The following KCNJ5 variants were observed in gnomAD, a reference collection of about 807,000 sequenced individuals.
KCNJ5 encodes potassium inwardly rectifying channel subfamily J member 5.
A neutral mutation model predicts 20.2 loss-of-function variants in KCNJ5; 12 were observed. That is an observed-to-expected ratio of 0.59 (90% CI 0.38 to 0.96). The LOEUF is 0.96. KCNJ5 is among the 40% of genes least tolerant of loss of function. KCNJ5 has a pLI of 0.00. For missense variants in KCNJ5, 449 were observed against 557.6 expected (o/e 0.81, Z 1.96); for synonymous variants, 210 against 213.9 (o/e 0.98, Z 0.16).
Position 128,898,210 on chromosome 11 carries a change from G to T in KCNJ5, c.-11+6489G>T, listed in dbSNP as rs59210262. Among the ~76,000 whole-genome samples the T allele has an allele frequency of 1.0e-3, 159 of 152,302 alleles. 1 individual carries two copies. In the East Asian group the frequency reaches 0.029, roughly 28 times the overall value. Reference sequence around the variant, plus strand: ...TAAAAAATCTTGTGAGATTTTGATAGAAATTGCATTGAATCTGTATATGAA... The same window carrying T: ...TAAAAAATCTTGTGAGATTTTGATATAAATTGCATTGAATCTGTATATGAA... On this transcript the variant is annotated intron_variant, in intron 1 of 2. Coordinates refer to ENST00000529694, the MANE Select transcript of KCNJ5 (RefSeq NM_000890.5).
rs149203742 is a variant in KCNJ5, at chr11:128,908,091, T to C, written c.-10-3173T>C. On this transcript the variant is annotated intron_variant, in intron 1 of 2. Coordinates refer to ENST00000529694, the MANE Select transcript of KCNJ5 (RefSeq NM_000890.5). The stretch of plus-strand genomic sequence containing the variant: ...AATCTAAACAGTAGAGGCTGCATGC[T>C]GGTCAGCTCAATGCTTGCCCTGCAA... 6.4e-3 allele frequency among the ~76,000 whole-genome samples: 970 copies of C among 152,374 alleles called. 5 individuals are homozygous for C. Among genetic ancestry groups the C allele is most frequent in the African/African-American group, 0.022 (923 of 41,592 alleles).
chr11:128,903,492 C>T (rs1211028241), intron 1 of KCNJ5: 2 of 1,614,130 alleles, frequency 1.2e-6, no homozygotes, highest in South Asian at 2.2e-5. Context: ...TACCCTCACT[C>T]CTGACAGAGG....
intron 1 of KCNJ5, among the ~76,000 whole-genome samples, chr11:128,908,790 A>C (rs1419925601): frequency 6.6e-6 from 1 of 152,206 alleles, no homozygotes; most frequent in Non-Finnish European, 1.5e-5. Context: ...TGGCTCAGGG[A>C]GTCCGCAGCG....
chr11:128,903,390 G>T, intron 1 of KCNJ5: 1 of 1,614,198 alleles, frequency 6.2e-7, no homozygotes, highest in East Asian at 2.2e-5. Flanking sequence ...AGCCGTGGGT[G>T]TAGACGGCAG....
intron 1 of KCNJ5, chr11:128,902,824 A>T: frequency 8.0e-7 from 1 of 1,251,346 alleles, no homozygotes; most frequent in Non-Finnish European, 1.1e-6. Context: ...ATGGGCAGAA[A>T]AGGCCTCTCT....
At chr11:128,910,820 C>A (rs1303846832) in intron 1 of KCNJ5, among the ~76,000 whole-genome samples, 1 of 152,148 alleles carries the variant, frequency 6.6e-6, no homozygotes, top group Non-Finnish European at 1.5e-5. Flanking sequence ...GATTCATAAG[C>A]AAACAATATA....
At chr11:128,902,442 T>G in intron 1 of KCNJ5, 6 of 1,364,872 alleles carry the variant, frequency 4.4e-6, no homozygotes, top group Non-Finnish European at 6.1e-6. Context: ...AGGGTGCCAG[T>G]TAGGGAGGAG....
chr11:128,901,899 C>G (rs1944288869), intron 1 of KCNJ5: 1 of 153,850 alleles, frequency 6.5e-6, no homozygotes, highest in Non-Finnish European at 1.4e-5. Flanking sequence ...TGTGCACGGA[C>G]AGCTCCGCGG....
intron 1 of KCNJ5, chr11:128,902,396 C>T: frequency 1.1e-6 from 1 of 879,656 alleles, no homozygotes; most frequent in Non-Finnish European, 1.7e-6. Flanking sequence ...GACTATCGCA[C>T]TGCCCAAGAC....
chr11:128,910,203 G>C (rs1944476268), intron 1 of KCNJ5, among the ~76,000 whole-genome samples: 1 of 152,172 alleles, frequency 6.6e-6, no homozygotes, highest in Admixed American at 6.5e-5. Flanking sequence ...GAGTCTTAAA[G>C]CTCGTTAAAT....
At chr11:128,903,390 G>A (rs1363932717) in intron 1 of KCNJ5, 5 of 1,614,080 alleles carry the variant, frequency 3.1e-6, no homozygotes, top group South Asian at 1.1e-5. Context: ...AGCCGTGGGT[G>A]TAGACGGCAG....
intron 1 of KCNJ5, chr11:128,902,676 G>A: frequency 6.2e-7 from 1 of 1,613,826 alleles, no homozygotes; most frequent in Non-Finnish European, 8.5e-7. Flanking sequence ...GCCTGCCTTT[G>A]TTGTCCTGAG....
Position 128,896,075 on chromosome 11 carries a change from CCT to C in KCNJ5, c.-11+4363_-11+4364del, listed in dbSNP as rs558271663. On this transcript the variant is annotated intron_variant, in intron 1 of 2. Coordinates refer to ENST00000529694, the MANE Select transcript of KCNJ5 (RefSeq NM_000890.5). Reference sequence around the variant, plus strand: ...ATTTTATTTCCTTTCTCTTCCTCTCCCTCTCTCTCTTTCTCAGTTTGGTTCTT... The same window carrying C: ...ATTTTATTTCCTTTCTCTTCCTCTCCCTCTCTCTTTCTCAGTTTGGTTCTT... Among the ~76,000 whole-genome samples the C allele has an allele frequency of 3.9e-5, 6 of 152,288 alleles. No homozygotes were observed. The South Asian group carries it at 1.0e-3, about 26-fold the overall frequency.
rs1373537383 is a variant in KCNJ5 at position 128,920,264 on chromosome 11, G to A, written c.*3533G>A. 3 of 152,618 alleles carry A rather than the reference G, an allele frequency of 2.0e-5. No homozygotes were observed. Among genetic ancestry groups the A allele is most frequent in the Non-Finnish European group, 4.4e-5 (3 of 68,368 alleles). 9.5% of individuals were successfully genotyped at this position (152,618 alleles called of 1,614,324 possible). On this transcript the variant is annotated 3_prime_UTR_variant, in exon 3 of 3. Transcript: ENST00000529694. ...CAGACTCCCCTCCCACCGGCCTCCT[G>A]TGTAGTCAGAGAACCCACTGCCCAT...
At chr11:128,907,654 G>A (rs1406761918) in intron 1 of KCNJ5, among the ~76,000 whole-genome samples, 1 of 152,234 alleles carries the variant, frequency 6.6e-6, no homozygotes, top group Non-Finnish European at 1.5e-5. Context: ...CAGGCTTGAT[G>A]AGGCTTAATA....
intron 2 of KCNJ5, among the ~76,000 whole-genome samples, chr11:128,912,449 C>A (rs1179859428): frequency 6.6e-6 from 1 of 152,220 alleles, no homozygotes; most frequent in Non-Finnish European, 1.5e-5. Flanking sequence ...AAACATCTAT[C>A]ATCTGGCCAA....
chr11:128,891,932 G>A (rs1214886786), intron 1 of KCNJ5, among the ~76,000 whole-genome samples: 2 of 152,216 alleles, frequency 1.3e-5, no homozygotes, highest in African/African-American at 4.8e-5. Context: ...TGTGCGTTGG[G>A]AGCCCAGCCA....
chr11:128,915,421 C>T (rs962664341), intron 2 of KCNJ5, among the ~76,000 whole-genome samples: 35 of 152,112 alleles, frequency 2.3e-4, no homozygotes, highest in Non-Finnish European at 4.0e-4. Context: ...CGTATGTGTC[C>T]GCCCAAAACA....
chr11:128,905,004 T>G (rs1944373526), intron 1 of KCNJ5, among the ~76,000 whole-genome samples: 1 of 152,186 alleles, frequency 6.6e-6, no homozygotes, highest in East Asian at 1.9e-4. Context: ...AACCTCCGAG[T>G]ACACTAGAGG....
Sources: allele counts gnomAD v4.1 joint callset (sites outside exome capture counted in the v4.1 genomes callset), GRCh38; gene constraint gnomAD v4.1.1; transcripts MANE v1.5; gene names NCBI Gene and HGNC (gene_info 2026-07-23, HGNC 2026-07-21).